The following ZNF81 variants were observed in gnomAD, a reference collection of about 807,000 sequenced individuals.
ZNF81 encodes the protein zinc finger protein 81 (HFZ20).
A neutral mutation model predicts 32.3 loss-of-function variants in ZNF81; 5 were observed. That is an observed-to-expected ratio of 0.15 (90% CI 0.08 to 0.33). ZNF81 has a LOEUF of 0.33. ZNF81 is among the 10% of genes least tolerant of loss of function. ZNF81 has a pLI of 1.00. For synonymous variants in ZNF81, 163 were observed against 166.8 expected (o/e 0.98, Z 0.17); for missense variants, 379 against 479.8 (o/e 0.79, Z 1.96).
At chrX:47,858,451 C>T (rs1876588531) in intron 2 of ZNF81, among the ~76,000 whole-genome samples, 1 of 111,733 alleles carries the variant, frequency 8.9e-6, no homozygotes, top group Non-Finnish European at 1.9e-5. Context: ...AGATGGAGAC[C>T]ATGCCTCCTT....
intron 1 of ZNF81, among the ~76,000 whole-genome samples, chrX:47,837,463 G>T (rs1556879237): frequency 1.8e-5 from 2 of 112,197 alleles, no homozygotes; most frequent in Admixed American, 9.4e-5. Context: ...TTCGAGGAGA[G>T]AGAAATTCTC....
At chrX:47,908,125 G>C (rs1241530473) in intron 4 of ZNF81, among the ~76,000 whole-genome samples, 1 of 110,947 alleles carries the variant, frequency 9.0e-6, no homozygotes, top group Non-Finnish European at 1.9e-5. Flanking sequence ...CCACAAGCTG[G>C]GAGAAGATAT....
Position 47,889,299 on chromosome X carries a change from G to A in ZNF81, c.181+1174G>A, listed in dbSNP as rs186532048. ...GGGACAGAGACAGGAGAAAATGAAG[G>A]AAGGCTGTTGGACTTCTGGGATTCT... On this transcript the variant is annotated intron_variant, in intron 3 of 4. Coordinates refer to ENST00000338637, the MANE Select transcript of ZNF81 (RefSeq NM_007137.5). Among the ~76,000 whole-genome samples the A allele has an allele frequency of 3.6e-5, 4 of 112,479 alleles. No homozygotes were observed. The East Asian group carries it at 8.4e-4, about 24-fold the overall frequency.
intron 2 of ZNF81, chrX:47,860,728 T>C (rs1230867944): frequency 9.9e-5 from 11 of 111,439 alleles, no homozygotes; most frequent in African/African-American, 3.6e-4. Flanking sequence ...AGAACACCTG[T>C]TGAAGTCTGC....
At chrX:47,847,345 G>T (rs2058474953) in intron 2 of ZNF81, among the ~76,000 whole-genome samples, 1 of 111,589 alleles carries the variant, frequency 9.0e-6, no homozygotes, top group Non-Finnish European at 1.9e-5. Context: ...CTCCCAAGTA[G>T]CTGGGACTAC....
At chrX:47,839,841 G>A (rs782652871) in intron 1 of ZNF81, among the ~76,000 whole-genome samples, 1 of 111,391 alleles carries the variant, frequency 9.0e-6, no homozygotes, top group African/African-American at 3.3e-5. Flanking sequence ...TGTCCAACCC[G>A]CTGTCCGTGG....
At chrX:47,898,454 AACCC>A (rs2058687307) in intron 4 of ZNF81, among the ~76,000 whole-genome samples, 1 of 112,093 alleles carries the variant, frequency 8.9e-6, no homozygotes, top group Admixed American at 9.5e-5. Context: ...CCTTTTAGCA[AACCC>A]ATACTATCTT....
chrX:47,882,247 A>G (rs1192113647), intron 2 of ZNF81, among the ~76,000 whole-genome samples: 2 of 111,377 alleles, frequency 1.8e-5, no homozygotes, highest in African/African-American at 6.5e-5. Flanking sequence ...CATGCAAATT[A>G]AAATATAGAA....
chrX:47,874,310 C>T (rs2058591282), intron 2 of ZNF81, among the ~76,000 whole-genome samples: 1 of 112,050 alleles, frequency 8.9e-6, no homozygotes, highest in Non-Finnish European at 1.9e-5. Context: ...TGGGGGATGG[C>T]AGATAGTAGC....
intron 2 of ZNF81, among the ~76,000 whole-genome samples, chrX:47,881,322 C>A (rs1397655256): frequency 8.9e-6 from 1 of 111,827 alleles, no homozygotes; most frequent in Non-Finnish European, 1.9e-5. Context: ...GCCTTTCTTT[C>A]CTTGCAGTTA....
chrX:47,923,193 G>T lies in ZNF81; in HGVS notation c.*6561G>T, dbSNP rs968365636. The stretch of plus-strand genomic sequence containing the variant: ...TAGAGCTCTTAGAACTATGCATGGA[G>T]AGAATTTCTTAATGGGTATTAGATA... On this transcript the variant is annotated 3_prime_UTR_variant, in exon 5 of 5. Transcript: ENST00000338637. Among the ~76,000 whole-genome samples, 2 of 99,227 alleles carry T rather than the reference G, an allele frequency of 2.0e-5. No individual in the cohort carries two copies. The highest frequency in any genetic ancestry group is 6.3e-4 in the East Asian group (2 of 3,188). The allele number at this position is 99,227 out of a possible 115,157, so 86.2% of individuals were successfully genotyped here.
chrX:47,857,629 A>G (rs782413796), intron 2 of ZNF81, among the ~76,000 whole-genome samples: 1 of 110,574 alleles, frequency 9.0e-6, no homozygotes, highest in East Asian at 2.8e-4. Context: ...TCTCTTTCCT[A>G]TCACATCACT....
At chrX:47,848,105 C>T (rs1217911776) in intron 2 of ZNF81, among the ~76,000 whole-genome samples, 2 of 110,262 alleles carry the variant, frequency 1.8e-5, no homozygotes, top group African/African-American at 3.3e-5. Flanking sequence ...TTAGTAGAGA[C>T]GGGGTTTCAC....
chrX:47,896,086 T>C, intron 4 of ZNF81, 146 bp downstream of exon 4: 1 of 456,230 alleles, frequency 2.2e-6, no homozygotes, highest in Non-Finnish European at 3.8e-6. Flanking sequence ...GCCTCTCGGG[T>C]GCCAAATTGT....
intron 4 of ZNF81, among the ~76,000 whole-genome samples, chrX:47,902,269 T>A (rs948466862): frequency 1.3e-4 from 15 of 111,922 alleles, no homozygotes; most frequent in Middle Eastern, 4.2e-3. Flanking sequence ...AAACCTAATT[T>A]TCTATGTACT....
At chrX:47,876,369 A>G (rs897253752) in intron 2 of ZNF81, among the ~76,000 whole-genome samples, 55 of 112,517 alleles carry the variant, frequency 4.9e-4, no homozygotes, top group African/African-American at 1.6e-3. Flanking sequence ...CCAAATCCCA[A>G]TTCCCACAGG....
At chrX:47,891,006 C>T (rs1556886405) in intron 3 of ZNF81, among the ~76,000 whole-genome samples, 1 of 111,863 alleles carries the variant, frequency 8.9e-6, no homozygotes, top group African/African-American at 3.3e-5. Context: ...GTCCAATCAG[C>T]ATTATCTCAT....
At chrX:47,903,054 G>A (rs140379392) in intron 4 of ZNF81, among the ~76,000 whole-genome samples, 1,287 of 110,951 alleles carry the variant, frequency 0.012, 17 homozygotes, top group East Asian at 0.075. Context: ...TTGATGGGAC[G>A]TATCTCAAAA....
chrX:47,849,962 A>C (rs1157906997), intron 2 of ZNF81, among the ~76,000 whole-genome samples: 2 of 111,857 alleles, frequency 1.8e-5, no homozygotes, highest in African/African-American at 6.5e-5. Flanking sequence ...GAATGGCTAT[A>C]ATTTAGAACA....
Sources: gnomAD v4.1 joint callset for allele counts (sites outside exome capture counted in the v4.1 genomes callset) on GRCh38, gnomAD v4.1.1 for gene constraint, MANE v1.5 for transcripts, NCBI Gene and HGNC (gene_info 2026-07-23, HGNC 2026-07-21) for gene names.